Variants in NPIPA1 observed in about 807,000 individuals in gnomAD.
The protein encoded by NPIPA1 is nuclear pore complex interacting protein family member A1.
For synonymous variants in NPIPA1, 7 were observed against 88.0 expected (o/e 0.08, Z 5.15); for missense variants, 22 against 232.2 (o/e 0.09, Z 5.88).
rs1314166649 is a variant in NPIPA1 at position 14,951,761 on chromosome 16, C to A, written c.789C>A (p.Leu263=). 9 of 1,520,786 alleles carry A rather than the reference C, an allele frequency of 5.9e-6. No homozygotes were observed. In the South Asian group the frequency reaches 1.1e-4, roughly 18 times the overall value. 94.2% of individuals were successfully genotyped at this position (1,520,786 alleles called of 1,614,324 possible). The change falls in exon 8 of 8, where the codon CTC becomes CTA. Residue 263 remains leucine, a synonymous_variant. Transcript: ENST00000328085. The part of the protein sequence containing the change: ...QHSIIDNSLS[L]KTPSECLLTP... ...CTATAATTGATAACTCCCTGAGCCT[C>A]AAGACACCTTCCGAGTGTCTGCTCA...
chr16:14,949,519 C>G, intron 5 of NPIPA1: 1 of 101,684 alleles, frequency 9.8e-6, no homozygotes, highest in Non-Finnish European at 2.3e-5. Context: ...ACTATCATCT[C>G]AGAAGTCAGG....
chr16:14,941,070 G>C (rs1443061320), intron 1 of NPIPA1, among the ~76,000 whole-genome samples: 3 of 150,532 alleles, frequency 2.0e-5, no homozygotes, highest in Non-Finnish European at 4.4e-5. Flanking sequence ...AGAGGTTGCA[G>C]TGAGCCGAGA....
chr16:14,939,013 C>T (rs1197442630), intron 1 of NPIPA1, among the ~76,000 whole-genome samples: 2 of 139,478 alleles, frequency 1.4e-5, no homozygotes, highest in Non-Finnish European at 3.1e-5. Flanking sequence ...TGAGCCACCG[C>T]GCCTGGCCAA....
At chr16:14,938,624 C>T (rs1965681478) in intron 1 of NPIPA1, among the ~76,000 whole-genome samples, 1 of 134,602 alleles carries the variant, frequency 7.4e-6, no homozygotes. Context: ...ATCGCTTGGG[C>T]CCAGGAGCTG....
chr16:14,945,199 C>T (rs2151081157), intron 2 of NPIPA1, among the ~76,000 whole-genome samples: 1 of 150,642 alleles, frequency 6.6e-6, no homozygotes, highest in South Asian at 2.1e-4. Context: ...GAGTGAGCCA[C>T]CATGCCAGCC....
At chr16:14,938,516 A>G (rs865796105) in intron 1 of NPIPA1, among the ~76,000 whole-genome samples, 3 of 144,652 alleles carry the variant, frequency 2.1e-5, no homozygotes, top group Non-Finnish European at 4.5e-5. Flanking sequence ...AGGGCATCAT[A>G]GCGAAACCCC....
intron 4 of NPIPA1, among the ~76,000 whole-genome samples, chr16:14,946,520 G>A (rs1211539557): frequency 6.8e-6 from 1 of 148,068 alleles, no homozygotes; most frequent in East Asian, 2.1e-4. Context: ...CCACACCCAG[G>A]CTTTTTTTTT....
chr16:14,943,323 A>G (rs1965798550), intron 2 of NPIPA1, among the ~76,000 whole-genome samples: 1 of 149,814 alleles, frequency 6.7e-6, no homozygotes, highest in Non-Finnish European at 1.5e-5. Context: ...TGCCCAGCTA[A>G]TTTGTGTATT....
chr16:14,943,146 T>C (rs1200231905), intron 2 of NPIPA1, among the ~76,000 whole-genome samples: 2 of 46,952 alleles, frequency 4.3e-5, no homozygotes, highest in Admixed American at 1.7e-4. Context: ...GGAGGAAGCT[T>C]TTTTTTTTTT....
At chr16:14,938,740 G>T (rs1405402075) in intron 1 of NPIPA1, among the ~76,000 whole-genome samples, 1 of 151,884 alleles carries the variant, frequency 6.6e-6, no homozygotes, top group African/African-American at 2.4e-5. Context: ...CTGGTTTGAT[G>T]ACTTTTTTTT....
intron 1 of NPIPA1, chr16:14,938,092 CCCCCT>C (rs1965662348): frequency 1.4e-5 from 5 of 347,638 alleles, no homozygotes; most frequent in South Asian, 9.7e-5. Flanking sequence ...CCCTTCCCCT[CCCCCT>C]CCCCTCCCCC....
intron 1 of NPIPA1, among the ~76,000 whole-genome samples, chr16:14,941,076 C>T (rs1443975481): frequency 1.3e-5 from 2 of 150,016 alleles, no homozygotes; most frequent in Non-Finnish European, 1.5e-5. Flanking sequence ...TGCAGTGAGC[C>T]GAGAGCACAC....
chr16:14,947,517 G>T (rs1334783470), intron 4 of NPIPA1, among the ~76,000 whole-genome samples: 1 of 151,214 alleles, frequency 6.6e-6, no homozygotes, highest in Non-Finnish European at 1.5e-5. Flanking sequence ...CCCCACGCAT[G>T]TGTGCAAAAG....
intron 5 of NPIPA1, chr16:14,949,582 G>A (rs1279085852): frequency 9.6e-6 from 6 of 624,166 alleles, no homozygotes; most frequent in Non-Finnish European, 1.5e-5. Context: ...AGACTGTACA[G>A]TTTTTTTGTT....
chr16:14,940,389 A>G (rs1218537725), intron 1 of NPIPA1, among the ~76,000 whole-genome samples: 1 of 152,198 alleles, frequency 6.6e-6, no homozygotes, highest in Non-Finnish European at 1.5e-5. Flanking sequence ...GTTATACATC[A>G]ATTTAAAAAA....
intron 4 of NPIPA1, among the ~76,000 whole-genome samples, chr16:14,947,326 G>T (rs1366744127): frequency 1.3e-5 from 2 of 152,068 alleles, no homozygotes; most frequent in Non-Finnish European, 2.9e-5. Context: ...GATGGTCAGG[G>T]GTCCTCCGTA....
chr16:14,942,942 TACC>T (rs1965787293), intron 2 of NPIPA1, among the ~76,000 whole-genome samples: 1 of 150,952 alleles, frequency 6.6e-6, no homozygotes, highest in Non-Finnish European at 1.5e-5. Flanking sequence ...AAAGTACTAA[TACC>T]ACAATGCTTT....
chr16:14,947,440 G>C (rs1320902302), intron 4 of NPIPA1, among the ~76,000 whole-genome samples: 1 of 151,412 alleles, frequency 6.6e-6, no homozygotes, highest in East Asian at 2.0e-4. Context: ...GTCTCAACCA[G>C]AGCCAGTGGA....
intron 4 of NPIPA1, among the ~76,000 whole-genome samples, chr16:14,946,955 T>C (rs1965903726): frequency 2.0e-5 from 3 of 152,072 alleles, no homozygotes; most frequent in Non-Finnish European, 4.4e-5. Flanking sequence ...GGCCTCCCAA[T>C]GTGCTGGGAT....
Sources: gnomAD v4.1 joint callset for allele counts (sites outside exome capture counted in the v4.1 genomes callset) on GRCh38, gnomAD v4.1.1 for gene constraint, MANE v1.5 for transcripts, NCBI Gene and HGNC (gene_info 2026-07-23, HGNC 2026-07-21) for gene names.